Variants in KLHL13 observed in about 807,000 individuals in gnomAD.
KLHL13 encodes kelch-like protein 13.
KLHL13 carries 10 observed loss-of-function variants against 37.1 expected under a neutral mutation model. That is an observed-to-expected ratio of 0.27 (90% CI 0.17 to 0.46). The LOEUF is 0.46. Ranked by LOEUF, KLHL13 falls within the 20% of genes least tolerant of loss-of-function variation. KLHL13 has a pLI of 1.00. For missense variants in KLHL13, 360 were observed against 509.3 expected (o/e 0.71, Z 2.82); for synonymous variants, 163 against 181.2 (o/e 0.90, Z 0.81).
At chrX:118,080,935 A>C (rs1488336621) in intron 1 of KLHL13, among the ~76,000 whole-genome samples, 1 of 112,249 alleles carries the variant, frequency 8.9e-6, no homozygotes, top group Non-Finnish European at 1.9e-5. Context: ...CAGCCATAAA[A>C]AAAGAAAAAA....
intron 1 of KLHL13, among the ~76,000 whole-genome samples, chrX:118,046,257 G>A (rs2054558567): frequency 8.9e-6 from 1 of 112,139 alleles, no homozygotes; most frequent in Admixed American, 9.5e-5. Context: ...TGGAACTGGA[G>A]GACATTGTGT....
At chrX:117,914,104 C>T (rs1470031516) in intron 4 of KLHL13, 1 of 110,378 alleles carries the variant, frequency 9.1e-6, no homozygotes, top group Admixed American at 9.7e-5. Flanking sequence ...ACTGATGTAC[C>T]CAAAACACTG....
chrX:118,072,974 T>C (rs756940242), intron 1 of KLHL13, among the ~76,000 whole-genome samples: 17 of 109,642 alleles, frequency 1.6e-4, no homozygotes, highest in South Asian at 4.0e-4. Context: ...AGTGCCTCTA[T>C]TGCCAGCTAC....
intron 1 of KLHL13, among the ~76,000 whole-genome samples, chrX:118,006,717 C>T (rs180973365): frequency 9.0e-6 from 1 of 110,735 alleles, no homozygotes; most frequent in East Asian, 2.8e-4. Flanking sequence ...TATTTCTGTT[C>T]TAAAAACAAA....
chrX:117,955,668 C>T (rs1236847100), intron 1 of KLHL13, among the ~76,000 whole-genome samples: 2 of 111,874 alleles, frequency 1.8e-5, no homozygotes, highest in Admixed American at 1.9e-4. Context: ...TTCTTTCAAG[C>T]TCATCACAGA....
At chrX:118,022,207 A>G (rs1229659538) in intron 1 of KLHL13, among the ~76,000 whole-genome samples, 1 of 111,967 alleles carries the variant, frequency 8.9e-6, no homozygotes, top group African/African-American at 3.3e-5. Context: ...ATAATATCCC[A>G]TTTGTGTGTG....
chrX:118,000,335 C>A (rs2430210), intron 1 of KLHL13, among the ~76,000 whole-genome samples: 3,179 of 111,950 alleles, frequency 0.028, 126 homozygotes, highest in African/African-American at 0.096. Context: ...AAAATTGCTA[C>A]AAGATAAACT....
chrX:117,898,833 T>C, exon 7 of KLHL13: 1 of 1,054,883 alleles, frequency 9.5e-7, no homozygotes, highest in Non-Finnish European at 1.3e-6. Context: ...TATATACTAC[T>C]TAAGGGGGAA....
intron 1 of KLHL13, among the ~76,000 whole-genome samples, chrX:118,013,753 C>T (rs918998301): frequency 8.9e-6 from 1 of 112,096 alleles, no homozygotes; most frequent in African/African-American, 3.2e-5. Flanking sequence ...AGTCAGAGAC[C>T]CCGAACGGAG....
At chrX:117,964,653 T>C (rs2053380985) in intron 1 of KLHL13, among the ~76,000 whole-genome samples, 1 of 111,680 alleles carries the variant, frequency 9.0e-6, no homozygotes, top group African/African-American at 3.3e-5. Flanking sequence ...TTGTTACATA[T>C]GTATACATGT....
intron 1 of KLHL13, among the ~76,000 whole-genome samples, chrX:118,031,530 T>A (rs1362274367): frequency 1.1e-5 from 1 of 89,537 alleles, no homozygotes; most frequent in Non-Finnish European, 2.1e-5. Context: ...TATATTTAGT[T>A]ATATATATAT....
intron 1 of KLHL13, among the ~76,000 whole-genome samples, chrX:117,984,548 G>C (rs2053701944): frequency 9.0e-6 from 1 of 110,808 alleles, no homozygotes; most frequent in Admixed American, 9.6e-5. Context: ...TCCAAAATGT[G>C]ATACTAAATC....
At chrX:118,051,364 C>T (rs1486911134) in intron 1 of KLHL13, among the ~76,000 whole-genome samples, 2 of 109,118 alleles carry the variant, frequency 1.8e-5, no homozygotes, top group Non-Finnish European at 3.8e-5. Flanking sequence ...CCTGGTGAAA[C>T]CCCGTATCTA....
chrX:117,933,001 T>A (rs181165783), intron 2 of KLHL13, among the ~76,000 whole-genome samples: 1 of 111,891 alleles, frequency 8.9e-6, no homozygotes, highest in Admixed American at 9.5e-5. Flanking sequence ...TGTTGGCCAT[T>A]TGTATGTCTT....
intron 2 of KLHL13, among the ~76,000 whole-genome samples, chrX:117,939,195 G>A (rs749243697): frequency 9.0e-6 from 1 of 110,898 alleles, no homozygotes; most frequent in East Asian, 2.8e-4. Flanking sequence ...CTGGTGTTTG[G>A]TTTTCTTTTC....
intron 1 of KLHL13, among the ~76,000 whole-genome samples, chrX:117,964,597 C>CT (rs776171464): frequency 0.068 from 7,547 of 111,039 alleles, 219 homozygotes; most frequent in Middle Eastern, 0.14. Context: ...TGAGCACTTT[C>CT]TTTTTTTTAT....
At chrX:118,075,548 T>C (rs1390108338) in intron 1 of KLHL13, among the ~76,000 whole-genome samples, 1 of 111,524 alleles carries the variant, frequency 9.0e-6, no homozygotes, top group Non-Finnish European at 1.9e-5. Flanking sequence ...CTAGAATGGA[T>C]GCAGGAGTGA....
chrX:117,943,730 AT>A (rs1480808982), intron 2 of KLHL13, among the ~76,000 whole-genome samples: 7 of 108,379 alleles, frequency 6.5e-5, no homozygotes, highest in Non-Finnish European at 1.1e-4. Flanking sequence ...AATTCCTATA[AT>A]TTTTTTCAAG....
intron 5 of KLHL13, among the ~76,000 whole-genome samples, 173 bp from the exon 7 acceptor site, chrX:117,902,119 T>C (rs1273837863): frequency 9.0e-6 from 1 of 111,264 alleles, no homozygotes; most frequent in African/African-American, 3.3e-5. Flanking sequence ...ATTGAGACTA[T>C]ATTAATAATA....
Sources: allele counts gnomAD v4.1 joint callset (sites outside exome capture counted in the v4.1 genomes callset), GRCh38; gene constraint gnomAD v4.1.1; transcripts MANE v1.5; gene names NCBI Gene and HGNC (gene_info 2026-07-23, HGNC 2026-07-21).